Variants in USP13 observed in about 807,000 individuals in gnomAD.
USP13 encodes the protein ubiquitin specific peptidase 13.
USP13 carries 68 observed loss-of-function variants against 107.8 expected under a neutral mutation model. The observed-to-expected ratio is 0.63, with a 90% CI of 0.52 to 0.77. The LOEUF (loss-of-function observed/expected upper bound fraction) is 0.77, where lower values mean the gene tolerates loss of function less well. Ranked by LOEUF, USP13 falls within the 30% of genes least tolerant of loss-of-function variation. The probability of loss-of-function intolerance (pLI) is 0.00; values close to 1 mark genes in which losing one functional copy is unlikely to be tolerated. For missense variants in USP13, 945 were observed against 1,093.3 expected (o/e 0.86, Z 1.91); for synonymous variants, 377 against 389.5 (o/e 0.97, Z 0.38).
chr3:179,700,960 G>C (rs1712494311), intron 3 of USP13, 48 bp from the exon 4 acceptor site: 1 of 1,579,898 alleles, frequency 6.3e-7, no homozygotes, highest in African/African-American at 1.3e-5. Context: ...CATAGTGTGG[G>C]ATATTATTTT....
intron 20 of USP13, among the ~76,000 whole-genome samples, chr3:179,783,140 A>G (rs1174720759): frequency 6.6e-6 from 1 of 152,230 alleles, no homozygotes; most frequent in East Asian, 1.9e-4. Context: ...TAAAATAAAA[A>G]TGCTTTTTAA....
chr3:179,678,631 T>A lies in USP13; in HGVS notation c.169-3247T>A, dbSNP rs1191114971. On this transcript the variant is annotated intron_variant, in intron 1 of 20. Transcript: ENST00000263966. This position sits in a 1 kb window ranked among gnomAD's most constrained non-coding sequence, Gnocchi z 4.2. ...AAAAGGCTGGCTAATTTTTGTATTA[T>A]TATTTTTTTGTAGAGACAGGGTTTC... is the stretch of plus-strand genomic sequence containing the variant. Among the ~76,000 whole-genome samples, 4 of 152,076 alleles carry A rather than the reference T, an allele frequency of 2.6e-5. No homozygotes were observed. Among genetic ancestry groups the A allele is most frequent in the Non-Finnish European group, 5.9e-5 (4 of 68,006 alleles).
chr3:179,715,658 C>T (rs192179596), intron 6 of USP13, among the ~76,000 whole-genome samples: 70 of 152,094 alleles, frequency 4.6e-4, no homozygotes, highest in African/African-American at 2.7e-4. Context: ...CCACTGTGCC[C>T]GGCCTTGTGT....
At chr3:179,689,090 G>A (rs1331413278) in intron 2 of USP13, among the ~76,000 whole-genome samples, 2 of 152,178 alleles carry the variant, frequency 1.3e-5, no homozygotes, top group Non-Finnish European at 2.9e-5. Flanking sequence ...ACTCATGAGA[G>A]GACAAACTGA....
At chr3:179,717,625 C>CT (rs1713152998) in intron 6 of USP13, among the ~76,000 whole-genome samples, 1 of 151,368 alleles carries the variant, frequency 6.6e-6, no homozygotes, top group Non-Finnish European at 1.5e-5. Flanking sequence ...AACTATCTCC[C>CT]TAATTAATAA....
In USP13 at chr3:179,720,026, A is replaced by G; in HGVS notation, c.892A>G (p.Met298Val). Residue 298 changes from methionine (M) to valine (V), a missense_variant, in exon 7 of 21, where the codon ATG becomes GTG. Physicochemically the swap from Met to Val is conservative, Grantham distance 21. Transcript: ENST00000263966. Reference sequence around the variant, plus strand: ...GCATTTTGGAATTGATATGCTTCATATGCATGGGGTGAGGTCTCCTTTTGT... The same window carrying G: ...GCATTTTGGAATTGATATGCTTCATGTGCATGGGGTGAGGTCTCCTTTTGT... ...LAHFGIDMLH[M>V]HGTENGLQDN... 1.2e-6 allele frequency: 2 copies of G among 1,613,686 alleles called. No homozygotes were observed. Among genetic ancestry groups the G allele is most frequent in the South Asian group, 1.1e-5 (1 of 90,996 alleles).
chr3:179,691,741 A>G (rs1712124676), intron 3 of USP13, among the ~76,000 whole-genome samples: 1 of 152,212 alleles, frequency 6.6e-6, no homozygotes. Context: ...CCTTGCCTGC[A>G]ATAATGATGG....
At chr3:179,752,448 A>C in intron 14 of USP13, 75 bp downstream of exon 14, 1 of 1,119,838 alleles carries the variant, frequency 8.9e-7, no homozygotes, top group Non-Finnish European at 1.4e-6. Flanking sequence ...GAAAGAGCCC[A>C]TGTAGTTGGC....
intron 10 of USP13, among the ~76,000 whole-genome samples, chr3:179,732,814 C>T (rs534983446): frequency 1.3e-3 from 193 of 152,248 alleles, no homozygotes; most frequent in Non-Finnish European, 2.5e-3. Context: ...CTGTTTGGAG[C>T]CCTTGTCTCT....
At chr3:179,656,861 G>A (rs1201750683) in intron 1 of USP13, among the ~76,000 whole-genome samples, 1 of 152,160 alleles carries the variant, frequency 6.6e-6, no homozygotes, top group Non-Finnish European at 1.5e-5. Context: ...TCTAGCATCT[G>A]GTATATATAC....
At chr3:179,748,620 C>T (rs535372532) in intron 13 of USP13, among the ~76,000 whole-genome samples, 25 of 152,332 alleles carry the variant, frequency 1.6e-4, no homozygotes, top group Admixed American at 7.8e-4. Flanking sequence ...TTTATTCACC[C>T]AGCAAATATT....
chr3:179,764,017 T>A lies in USP13; in HGVS notation c.2108T>A (p.Leu703Gln). The A allele has an allele frequency of 6.2e-7, 1 of 1,612,232 alleles. No individual in the cohort carries two copies. Among genetic ancestry groups the A allele is most frequent in the African/African-American group, 1.3e-5 (1 of 74,728 alleles). ...HMEEPDFAEP[L>Q]TMPGYGGAAS... ...TTTTTCTCAGATTTTGCTGAGCCGC[T>A]GACCATGCCTGGTTATGGAGGGGCA... The change falls in exon 18 of 21, where the codon CTG becomes CAG. Residue 703 changes from leucine (L) to glutamine (Q), a missense_variant. Physicochemically the swap from Leu to Gln is moderately radical, Grantham distance 113 (BLOSUM62 -2). Coordinates refer to ENST00000263966, the MANE Select transcript of USP13 (RefSeq NM_003940.3).
In USP13 at chr3:179,775,348, A is replaced by G. The variant is rs548940099; in HGVS notation, c.2414-6391A>G. On this transcript the variant is annotated intron_variant, in intron 19 of 20. Coordinates refer to ENST00000263966, the MANE Select transcript of USP13 (RefSeq NM_003940.3). ...ACACAGAGTACTGATCGGTGCATCC[A>G]TGAACCCCAAGCTAGACACAGAGTG... Among the ~76,000 whole-genome samples the G allele has an allele frequency of 5.8e-4, 88 of 152,318 alleles. 1 individual carries two copies. Among genetic ancestry groups the G allele is most frequent in the African/African-American group, 2.1e-3 (87 of 41,576 alleles).
chr3:179,736,854 C>T (rs1714012631), intron 10 of USP13, among the ~76,000 whole-genome samples: 1 of 152,202 alleles, frequency 6.6e-6, no homozygotes, highest in Non-Finnish European at 1.5e-5. Flanking sequence ...TGTTAAACTT[C>T]CCAGAGCGGC....
intron 11 of USP13, among the ~76,000 whole-genome samples, chr3:179,741,344 T>G (rs1365255542): frequency 1.3e-5 from 2 of 149,886 alleles, no homozygotes; most frequent in East Asian, 4.0e-4. Flanking sequence ...TGTTTCCTTG[T>G]TAGAACTAGG....
At chr3:179,683,614 G>A (rs1711754146) in intron 2 of USP13, among the ~76,000 whole-genome samples, 1 of 152,084 alleles carries the variant, frequency 6.6e-6, no homozygotes, top group South Asian at 2.1e-4. Flanking sequence ...CATGAGACTC[G>A]TTCACTATCA....
At chr3:179,781,066 T>TA (rs1216294111) in intron 19 of USP13, among the ~76,000 whole-genome samples, 2 of 152,054 alleles carry the variant, frequency 1.3e-5, no homozygotes, top group African/African-American at 4.8e-5. Flanking sequence ...TATCATAGAG[T>TA]ACTGGGTATG....
intron 19 of USP13, among the ~76,000 whole-genome samples, chr3:179,781,391 T>C (rs1715742173): frequency 6.6e-6 from 1 of 152,152 alleles, no homozygotes; most frequent in Non-Finnish European, 1.5e-5. Context: ...GGAAACAACT[T>C]GTCCACCCTC....
At chr3:179,782,635 A>C (rs1465718465) in intron 20 of USP13, among the ~76,000 whole-genome samples, 1 of 152,088 alleles carries the variant, frequency 6.6e-6, no homozygotes, top group Non-Finnish European at 1.5e-5. Context: ...CTCTTGCTCC[A>C]TGGCTCCCAC....
Sources: gnomAD v4.1 joint callset for allele counts (sites outside exome capture counted in the v4.1 genomes callset) on GRCh38, gnomAD v4.1.1 for gene constraint, Gnocchi (gnomAD v3.1) non-coding constraint, MANE v1.5 for transcripts, NCBI Gene and HGNC (gene_info 2026-07-23, HGNC 2026-07-21) for gene names.